LCOR: variants seen among roughly 807,000 people sequenced by gnomAD.
The protein encoded by LCOR is ligand-dependent corepressor.
A neutral mutation model predicts 64.4 loss-of-function variants in LCOR; 14 were observed. The observed-to-expected ratio is 0.22, with a 90% confidence interval of 0.14 to 0.34. The LOEUF (loss-of-function observed/expected upper bound fraction) is 0.34, where lower values mean the gene tolerates loss of function less well. Ranked by LOEUF, LCOR falls within the 10% of genes least tolerant of loss-of-function variation. The pLI is 1.00. For missense variants in LCOR, 1,686 were observed against 1,765.3 expected (o/e 0.96, Z 0.80); for synonymous variants, 643 against 642.5 (o/e 1.00, Z -0.01).
intron 2 of LCOR, among the ~76,000 whole-genome samples, chr10:96,893,894 T>TATAC (rs1247503371): frequency 6.6e-6 from 1 of 152,140 alleles, no homozygotes; most frequent in African/African-American, 2.4e-5. Context: ...AGAGTTGTAG[T>TATAC]ACTCCTTCTA....
chr10:96,957,303 C>CT (rs1847800511), intron 7 of LCOR: 2 of 984,842 alleles, frequency 2.0e-6, no homozygotes, highest in African/African-American at 1.8e-5. Context: ...AGTTCAGGAC[C>CT]TTTGAGATCA....
At chr10:96,845,443 C>T (rs1355044885) in intron 2 of LCOR, among the ~76,000 whole-genome samples, 6 of 81,798 alleles carry the variant, frequency 7.3e-5, no homozygotes, top group Non-Finnish European at 9.7e-5. Context: ...TATAAATGGG[C>T]TTATCCTTTT....
intron 4 of LCOR, among the ~76,000 whole-genome samples, chr10:96,926,706 T>G (rs1271474260): frequency 6.6e-6 from 1 of 152,138 alleles, no homozygotes; most frequent in Non-Finnish European, 1.5e-5. Flanking sequence ...CCCTTTATAG[T>G]CAGTCCCCTT....
intron 4 of LCOR, among the ~76,000 whole-genome samples, chr10:96,934,429 G>C (rs1847313228): frequency 6.6e-6 from 1 of 151,992 alleles, no homozygotes; most frequent in Non-Finnish European, 1.5e-5. Context: ...GAGCTATAGA[G>C]TCATAAGCTC....
chr10:96,888,885 G>C (rs1315004978), intron 2 of LCOR, among the ~76,000 whole-genome samples: 1 of 152,178 alleles, frequency 6.6e-6, no homozygotes, highest in African/African-American at 2.4e-5. Context: ...GTTTTTTAGA[G>C]AATGTCATAT....
intron 2 of LCOR, among the ~76,000 whole-genome samples, chr10:96,869,023 A>G (rs1257928688): frequency 6.6e-6 from 1 of 152,160 alleles, no homozygotes; most frequent in Non-Finnish European, 1.5e-5. Context: ...CTCCCACCTC[A>G]GCCTCCAGAG....
At chr10:96,946,997 A>G (rs987480359) in intron 5 of LCOR, among the ~76,000 whole-genome samples, 2 of 152,144 alleles carry the variant, frequency 1.3e-5, no homozygotes, top group Non-Finnish European at 2.9e-5. Flanking sequence ...AAATTTATAC[A>G]ATAGTTCATA....
At chr10:96,905,326 GAT>G (rs1357472201) in intron 2 of LCOR, among the ~76,000 whole-genome samples, 5 of 152,100 alleles carry the variant, frequency 3.3e-5, no homozygotes, top group African/African-American at 1.2e-4. Flanking sequence ...AAGAATATTA[GAT>G]TTGCTCTTCA....
At chr10:96,949,330 C>G (rs1564635392) in intron 6 of LCOR, 35 bp downstream of exon 6, 1 of 1,588,706 alleles carries the variant, frequency 6.3e-7, no homozygotes, top group Admixed American at 1.7e-5. Context: ...TCTATCTTAT[C>G]AGAATACTTT....
At chr10:96,952,762 C>T (rs1435366484) in intron 7 of LCOR, among the ~76,000 whole-genome samples, 1 of 152,142 alleles carries the variant, frequency 6.6e-6, no homozygotes, top group Non-Finnish European at 1.5e-5. Context: ...AAAGTAAATT[C>T]TCTGACACCC....
chr10:96,942,003 GGGCA>G (rs1387698880), intron 4 of LCOR, among the ~76,000 whole-genome samples: 5 of 126,084 alleles, frequency 4.0e-5, no homozygotes, highest in Non-Finnish European at 8.6e-5. Context: ...GACGATGGGG[GGGCA>G]GGCAGAGACG....
intron 2 of LCOR, among the ~76,000 whole-genome samples, chr10:96,881,402 T>C (rs556010192): frequency 1.2e-4 from 19 of 152,266 alleles, no homozygotes; most frequent in African/African-American, 3.4e-4. Flanking sequence ...GCTATGTGAA[T>C]GTGGCAGATA....
chr10:96,845,152 G>C (rs1845605933), intron 2 of LCOR, among the ~76,000 whole-genome samples: 1 of 152,128 alleles, frequency 6.6e-6, no homozygotes, highest in Non-Finnish European at 1.5e-5. Context: ...CTTAAAAAAA[G>C]ATGATAACTC....
intron 4 of LCOR, among the ~76,000 whole-genome samples, chr10:96,943,822 A>G (rs912854513): frequency 6.6e-6 from 1 of 151,972 alleles, no homozygotes; most frequent in Non-Finnish European, 1.5e-5. Flanking sequence ...TAGAACCAAT[A>G]TATTTGAGTG....
At position 96,983,734 on chromosome 10, in the gene LCOR, G is replaced by T; in HGVS notation, c.3274G>T (p.Val1092Leu). 1 of 1,614,188 alleles carries T rather than the reference G, an allele frequency of 6.2e-7. No homozygotes were observed. Among genetic ancestry groups the T allele is most frequent in the Non-Finnish European group, 8.5e-7 (1 of 1,180,022 alleles). ...AGATGAGGACGATGTTGACACCGTG[G>T]TAGATGAACAGCCAAAGTTTATGGA... ...PLDEDDVDTV[V>L]DEQPKFMEWC... Residue 1092 changes from valine to leucine, a missense_variant, in exon 8 of 8, where the codon GTA (valine) becomes TTA (leucine). Physicochemically the swap from Val to Leu is conservative, Grantham distance 32. Coordinates refer to ENST00000421806, the MANE Select transcript of LCOR (RefSeq NM_001346516.2). The surrounding 1 kb of genome is among the most constrained non-coding windows in gnomAD (Gnocchi z 4.5).
chr10:96,836,380 G>A (rs1344798562), intron 2 of LCOR, among the ~76,000 whole-genome samples: 1 of 152,036 alleles, frequency 6.6e-6, no homozygotes, highest in Non-Finnish European at 1.5e-5. Context: ...TCACTTGCCT[G>A]ATAGAACTTG....
At chr10:96,891,996 C>G (rs1401377475) in intron 2 of LCOR, among the ~76,000 whole-genome samples, 1 of 152,100 alleles carries the variant, frequency 6.6e-6, no homozygotes. Flanking sequence ...AAATTTACGG[C>G]AAGTTTTTTT....
At chr10:96,890,529 T>C (rs1302172942) in intron 2 of LCOR, among the ~76,000 whole-genome samples, 1 of 152,230 alleles carries the variant, frequency 6.6e-6, no homozygotes, top group East Asian at 1.9e-4. Flanking sequence ...TACTTGGTCT[T>C]TCCAATTTGG....
chr10:96,910,568 C>T (rs771676912), intron 4 of LCOR, among the ~76,000 whole-genome samples: 1 of 152,120 alleles, frequency 6.6e-6, no homozygotes, highest in Non-Finnish European at 1.5e-5. Context: ...GGACTAGAGT[C>T]TGGAAATTAA....
Sources: allele counts gnomAD v4.1 joint callset (sites outside exome capture counted in the v4.1 genomes callset), GRCh38; gene constraint gnomAD v4.1.1; non-coding constraint Gnocchi (gnomAD v3.1); transcripts MANE v1.5; gene names NCBI Gene and HGNC (gene_info 2026-07-23, HGNC 2026-07-21).